The following NELL1 variants were observed in gnomAD, a reference collection of about 807,000 sequenced individuals.
The protein encoded by NELL1 is neural EGFL like 1, also known as protein kinase C-binding protein NELL1.
A neutral mutation model predicts 107.4 loss-of-function variants in NELL1; 76 were observed. The observed-to-expected ratio is 0.71, with a 90% CI of 0.59 to 0.86. NELL1 has a LOEUF of 0.86. NELL1 is among the 40% of genes least tolerant of loss of function. The probability of loss-of-function intolerance (pLI) is 0.00; values close to 1 mark genes in which losing one functional copy is unlikely to be tolerated. For missense variants in NELL1, 1,024 were observed against 1,005.5 expected (o/e 1.02, Z -0.25); for synonymous variants, 353 against 341.2 (o/e 1.03, Z -0.38).
intron 15 of NELL1, among the ~76,000 whole-genome samples, chr11:21,435,512 T>A (rs1221979519): frequency 6.6e-6 from 1 of 151,744 alleles, no homozygotes; most frequent in Non-Finnish European, 1.5e-5. Context: ...TGTTTTTTTT[T>A]ACCATGAAGA....
chr11:21,425,250 C>T (rs1319712970), intron 15 of NELL1, among the ~76,000 whole-genome samples: 1 of 151,632 alleles, frequency 6.6e-6, no homozygotes, highest in Non-Finnish European at 1.5e-5. Flanking sequence ...AAAGCCTATC[C>T]TAAAATTCAT....
At chr11:21,332,998 A>C (rs1341461727) in intron 14 of NELL1, among the ~76,000 whole-genome samples, 1 of 152,076 alleles carries the variant, frequency 6.6e-6, no homozygotes, top group Non-Finnish European at 1.5e-5. Flanking sequence ...TAAATAAATC[A>C]ATAAGTGCAT....
At chr11:21,386,922 C>A (rs765420860) in intron 15 of NELL1, among the ~76,000 whole-genome samples, 23 of 151,780 alleles carry the variant, frequency 1.5e-4, no homozygotes, top group Non-Finnish European at 2.9e-4. Flanking sequence ...TTAGGCTAGA[C>A]CTTCATTTAA....
intron 14 of NELL1, among the ~76,000 whole-genome samples, chr11:21,290,144 C>T (rs776278474): frequency 7.2e-5 from 11 of 152,062 alleles, no homozygotes; most frequent in South Asian, 4.1e-4. Flanking sequence ...CCGAGGTGGG[C>T]GGATCACGAG....
intron 14 of NELL1, among the ~76,000 whole-genome samples, chr11:21,246,886 C>T (rs929710994): frequency 3.9e-5 from 6 of 152,200 alleles, no homozygotes; most frequent in East Asian, 1.9e-4. Context: ...TCAGCTCTTG[C>T]GAGATTTATT....
chr11:21,116,881 G>A (rs992221392), intron 13 of NELL1, among the ~76,000 whole-genome samples: 3 of 151,930 alleles, frequency 2.0e-5, no homozygotes, highest in African/African-American at 7.2e-5. Context: ...TTTTTAAAAA[G>A]AGAAATCATA....
intron 13 of NELL1, among the ~76,000 whole-genome samples, chr11:21,125,070 C>G (rs1855458579): frequency 6.6e-6 from 1 of 152,140 alleles, no homozygotes; most frequent in Non-Finnish European, 1.5e-5. Context: ...TAAAAACATT[C>G]AGACATTTCA....
At chr11:21,169,415 T>C (rs183880630) in intron 13 of NELL1, among the ~76,000 whole-genome samples, 18 of 151,992 alleles carry the variant, frequency 1.2e-4, no homozygotes, top group Admixed American at 1.2e-3. Flanking sequence ...TTCATTTGAC[T>C]CTTAGGAAGC....
At chr11:21,104,971 C>T (rs976971639) in intron 12 of NELL1, among the ~76,000 whole-genome samples, 5 of 152,084 alleles carry the variant, frequency 3.3e-5, no homozygotes, top group Admixed American at 3.3e-4. Flanking sequence ...AAGGCCTCAC[C>T]CTCATGACCT....
chr11:20,994,990 G>A (rs1852057406), intron 12 of NELL1, among the ~76,000 whole-genome samples: 1 of 152,140 alleles, frequency 6.6e-6, no homozygotes, highest in South Asian at 2.1e-4. Flanking sequence ...TCACCTTGCA[G>A]TCTTCAAGTG....
chr11:21,221,990 G>C (rs954853221), intron 13 of NELL1, among the ~76,000 whole-genome samples: 2 of 151,948 alleles, frequency 1.3e-5, no homozygotes, highest in African/African-American at 4.8e-5. Flanking sequence ...CACTGTATCC[G>C]GCCTAGTTGA....
chr11:21,454,122 C>T (rs1285998425), intron 15 of NELL1, among the ~76,000 whole-genome samples: 1 of 138,208 alleles, frequency 7.2e-6, no homozygotes, highest in Non-Finnish European at 1.5e-5. Context: ...TATTCCCCTT[C>T]CTGTGTCCAT....
chr11:20,756,834 C>T (rs1278502711), intron 2 of NELL1, among the ~76,000 whole-genome samples: 1 of 152,184 alleles, frequency 6.6e-6, no homozygotes, highest in East Asian at 1.9e-4. Flanking sequence ...AACCATTGCA[C>T]TAGACTCCAT....
intron 15 of NELL1, among the ~76,000 whole-genome samples, chr11:21,435,217 T>C (rs1050367952): frequency 6.6e-6 from 1 of 152,130 alleles, no homozygotes. Flanking sequence ...TATCTTATTC[T>C]TATGATAAAT....
chr11:20,811,553 A>G (rs993898558), intron 3 of NELL1, among the ~76,000 whole-genome samples: 1 of 152,160 alleles, frequency 6.6e-6, no homozygotes, highest in Non-Finnish European at 1.5e-5. Context: ...TTTAAACAAT[A>G]TTAAGTCTTC....
chr11:21,448,206 T>TA (rs1853488856), intron 15 of NELL1, among the ~76,000 whole-genome samples: 1 of 152,174 alleles, frequency 6.6e-6, no homozygotes, highest in Non-Finnish European at 1.5e-5. Flanking sequence ...GGTGTTTTTT[T>TA]GTGTGTGGGT....
At chr11:21,514,960 T>C (rs922795667) in intron 15 of NELL1, among the ~76,000 whole-genome samples, 10 of 152,306 alleles carry the variant, frequency 6.6e-5, no homozygotes, top group African/African-American at 1.4e-4. Flanking sequence ...CAATGGGTGA[T>C]AGAATCCTTC....
chr11:20,798,911 C>T (rs985427437), intron 3 of NELL1, among the ~76,000 whole-genome samples: 3 of 124,724 alleles, frequency 2.4e-5, no homozygotes, highest in South Asian at 2.7e-4. Flanking sequence ...TCTTTAGCAG[C>T]GAAGGTGTGT....
chr11:20,678,650 T>G (rs909791140), intron 2 of NELL1, among the ~76,000 whole-genome samples: 1 of 152,200 alleles, frequency 6.6e-6, no homozygotes, highest in Non-Finnish European at 1.5e-5. Flanking sequence ...TGGTACTTAG[T>G]GGGGGCTGGC....
Sources: gnomAD v4.1 joint callset for allele counts (sites outside exome capture counted in the v4.1 genomes callset) on GRCh38, gnomAD v4.1.1 for gene constraint, MANE v1.5 for transcripts, NCBI Gene and HGNC (gene_info 2026-07-23, HGNC 2026-07-21) for gene names.